ANKRD55: variants seen among roughly 807,000 people sequenced by gnomAD.
The protein encoded by ANKRD55 is ankyrin repeat domain-containing protein 55.
Under a neutral mutation model 60.6 loss-of-function variants are expected in ANKRD55, and 41 were observed. The ratio of observed to expected loss-of-function variants is 0.68; its 90% confidence interval spans 0.53 to 0.88. ANKRD55 has a LOEUF of 0.88. ANKRD55 is among the 40% of genes least tolerant of loss of function. The probability of loss-of-function intolerance (pLI) is 0.00; values close to 1 mark genes in which losing one functional copy is unlikely to be tolerated. For synonymous variants in ANKRD55, 264 were observed against 290.3 expected (o/e 0.91, Z 0.92); for missense variants, 732 against 767.6 (o/e 0.95, Z 0.55).
At chr5:56,227,165 AG>A (rs1367134204) in intron 2 of ANKRD55, among the ~76,000 whole-genome samples, 1 of 152,180 alleles carries the variant, frequency 6.6e-6, no homozygotes, top group Non-Finnish European at 1.5e-5. Context: ...GCCATAAAAA[AG>A]GATGAGTTCA....
intron 10 of ANKRD55, among the ~76,000 whole-genome samples, chr5:56,106,419 G>GTT (rs1561248216): frequency 9.4e-6 from 1 of 106,880 alleles, no homozygotes; most frequent in African/African-American, 5.4e-5. Context: ...GGCTAGGAAA[G>GTT]CTTTTTTTTT....
At position 56,203,305 on chromosome 5, in the gene ANKRD55, G is replaced by C. The variant is rs189725504; in HGVS notation, c.59-19671C>G. Among the ~76,000 whole-genome samples the C allele has an allele frequency of 4.2e-3, 641 of 152,206 alleles. 4 individuals carry two copies. The highest frequency in any genetic ancestry group is 7.5e-3 in the Admixed American group (115 of 15,274). On this transcript the variant is annotated intron_variant, in intron 2 of 11. Coordinates refer to ENST00000341048, the MANE Select transcript of ANKRD55 (RefSeq NM_024669.3). ...CCCCCATGCTGCTGTTCTCATAATAGTGAGTTCTCATGAGATCTGATGGTT... is the reference window on the plus strand; with the variant it reads ...CCCCCATGCTGCTGTTCTCATAATACTGAGTTCTCATGAGATCTGATGGTT...
Position 56,166,613 on chromosome 5 carries a change from C to A in ANKRD55, c.422+4081G>T, listed in dbSNP as rs180868432. 6.9e-3 allele frequency among the ~76,000 whole-genome samples: 1,041 copies of A among 151,174 alleles called. 11 individuals are homozygous for A. Among genetic ancestry groups the A allele is most frequent in the African/African-American group, 0.024 (995 of 41,100 alleles). The stretch of plus-strand genomic sequence containing the variant: ...AGACAAATATGGTGAAATAAGATAA[C>A]GAGTGAAGAAACAAGACAAAGAGAA... On this transcript the variant is annotated intron_variant, in intron 5 of 11. Coordinates refer to ENST00000341048, the MANE Select transcript of ANKRD55 (RefSeq NM_024669.3).
rs553159545 is a variant in ANKRD55, at chr5:56,187,656, A to G, written c.59-4022T>C. Among the ~76,000 whole-genome samples, 4 of 152,328 alleles carry G rather than the reference A, an allele frequency of 2.6e-5. No homozygotes were observed. The South Asian group carries it at 8.3e-4, about 32-fold the overall frequency. ...AGCGAGGCACCCATTGCTGCTCCCAATCGGGCTAAAGGCTTGCCATTGTTC... is the reference window on the plus strand; with the variant it reads ...AGCGAGGCACCCATTGCTGCTCCCAGTCGGGCTAAAGGCTTGCCATTGTTC... On this transcript the variant is annotated intron_variant, in intron 2 of 11. Transcript: ENST00000341048.
At chr5:56,116,013 C>G (rs1404860504) in intron 9 of ANKRD55, among the ~76,000 whole-genome samples, 1 of 152,088 alleles carries the variant, frequency 6.6e-6, no homozygotes, top group East Asian at 1.9e-4. Context: ...CACCACCATG[C>G]CTGGCTAATT....
chr5:56,174,451 G>C (rs1234749724), intron 4 of ANKRD55, among the ~76,000 whole-genome samples: 1 of 152,122 alleles, frequency 6.6e-6, no homozygotes, highest in Admixed American at 6.5e-5. Flanking sequence ...AAAGTCCATA[G>C]CAAGAGCAGT....
At chr5:56,153,246 C>A (rs986671324) in intron 6 of ANKRD55, among the ~76,000 whole-genome samples, 2 of 148,646 alleles carry the variant, frequency 1.3e-5, no homozygotes, top group South Asian at 2.1e-4. Context: ...TGGGAAAAAA[C>A]CAGTACTTCC....
intron 4 of ANKRD55, among the ~76,000 whole-genome samples, chr5:56,174,038 G>A (rs533486633): frequency 2.6e-5 from 4 of 152,246 alleles, no homozygotes; most frequent in South Asian, 4.1e-4. Context: ...ACTGCTTCCC[G>A]TGAGCCCCAG....
intron 2 of ANKRD55, among the ~76,000 whole-genome samples, chr5:56,187,741 A>G (rs1759005821): frequency 6.6e-6 from 1 of 152,228 alleles, no homozygotes; most frequent in South Asian, 2.1e-4. Flanking sequence ...ACTGGGTTCT[A>G]GGTTCTCTTC....
intron 6 of ANKRD55, among the ~76,000 whole-genome samples, chr5:56,156,536 A>G (rs1469986939): frequency 6.6e-6 from 1 of 152,190 alleles, no homozygotes; most frequent in South Asian, 2.1e-4. Context: ...TTGTAGGTCT[A>G]TAAGTGGAAT....
chr5:56,125,951 T>C (rs1364255043), intron 8 of ANKRD55, among the ~76,000 whole-genome samples: 2 of 151,910 alleles, frequency 1.3e-5, no homozygotes, highest in East Asian at 3.9e-4. Flanking sequence ...CTGGCCAACA[T>C]GGTGAAACCC....
intron 4 of ANKRD55, among the ~76,000 whole-genome samples, chr5:56,174,550 A>G (rs953230568): frequency 6.6e-6 from 1 of 152,222 alleles, no homozygotes; most frequent in Non-Finnish European, 1.5e-5. Flanking sequence ...TGCACAGACC[A>G]GTGGCTTTTA....
intron 3 of ANKRD55, among the ~76,000 whole-genome samples, chr5:56,181,622 G>A (rs571680353): frequency 1.1e-4 from 17 of 152,072 alleles, no homozygotes; most frequent in African/African-American, 2.9e-4. Context: ...ATAGAGTCTC[G>A]CTCTGTCACC....
At chr5:56,233,164 T>C (rs1392108186) in intron 1 of ANKRD55, 77 bp downstream of exon 1, 1 of 487,742 alleles carries the variant, frequency 2.1e-6, no homozygotes, top group Non-Finnish European at 3.6e-6. Context: ...ATGGGCATAA[T>C]ACACCCTCCA....
At chr5:56,204,366 T>C (rs909870027) in intron 2 of ANKRD55, among the ~76,000 whole-genome samples, 5 of 152,238 alleles carry the variant, frequency 3.3e-5, no homozygotes, top group Admixed American at 3.3e-4. Flanking sequence ...TTTGTTGCCA[T>C]AGCTTTTGGT....
At chr5:56,181,013 C>A (rs999981849) in intron 3 of ANKRD55, among the ~76,000 whole-genome samples, 3 of 152,058 alleles carry the variant, frequency 2.0e-5, no homozygotes, top group Non-Finnish European at 2.9e-5. Context: ...AGAGCCTGGG[C>A]AACATGGTGA....
At chr5:56,143,671 C>A in intron 7 of ANKRD55, 130 bp downstream of exon 7, 1 of 1,351,818 alleles carries the variant, frequency 7.4e-7, no homozygotes, top group Non-Finnish European at 1.0e-6. Flanking sequence ...GGCAGGGTTT[C>A]TTTTCAACAA....
chr5:56,156,522 G>A (rs1363032369), intron 6 of ANKRD55, among the ~76,000 whole-genome samples: 1 of 152,178 alleles, frequency 6.6e-6, no homozygotes, highest in African/African-American at 2.4e-5. Flanking sequence ...GAGGGGTGCT[G>A]GAGTTGTAGG....
At chr5:56,176,417 A>T (rs755434653) in intron 3 of ANKRD55, 135 bp from the exon 4 acceptor site, 4 of 909,664 alleles carry the variant, frequency 4.4e-6, no homozygotes, top group Non-Finnish European at 6.7e-6. Context: ...AAGGGAGATG[A>T]AGCTGATTGT....
Sources: allele counts gnomAD v4.1 joint callset (sites outside exome capture counted in the v4.1 genomes callset), GRCh38; gene constraint gnomAD v4.1.1; transcripts MANE v1.5; gene names NCBI Gene and HGNC (gene_info 2026-07-23, HGNC 2026-07-21).